Variants in MAP3K1 observed in about 807,000 individuals in gnomAD.
The protein encoded by MAP3K1 is MAP/ERK kinase kinase 1.
Under a neutral mutation model 144.2 loss-of-function variants are expected in MAP3K1, and 36 were observed. The observed-to-expected ratio is 0.25, with a 90% CI of 0.19 to 0.33. The LOEUF (loss-of-function observed/expected upper bound fraction) is 0.33. Ranked by LOEUF, MAP3K1 falls within the 10% of genes least tolerant of loss-of-function variation. The pLI, the probability that MAP3K1 is intolerant of heterozygous loss-of-function variation, is 1.00. For missense variants in MAP3K1, 1,650 were observed against 1,881.9 expected (o/e 0.88, Z 2.28); for synonymous variants, 718 against 688.7 (o/e 1.04, Z -0.67).
At chr5:56,860,045 G>T (rs568437187) in intron 3 of MAP3K1, 130 bp downstream of exon 3, 15 of 830,834 alleles carry the variant, frequency 1.8e-5, no homozygotes, top group Admixed American at 4.3e-5. Context: ...CCTGAGGATG[G>T]GGGGGGTGGT....
intron 13 of MAP3K1, 116 bp downstream of exon 13, chr5:56,881,388 C>G (rs1460178488): frequency 9.8e-7 from 1 of 1,022,568 alleles, no homozygotes; most frequent in Non-Finnish European, 1.5e-6. Context: ...GTTGCTGATA[C>G]CTTAATATTT....
intron 3 of MAP3K1, among the ~76,000 whole-genome samples, 198 bp downstream of exon 3, chr5:56,860,113 A>C (rs1747461839): frequency 6.6e-6 from 1 of 152,038 alleles, no homozygotes; most frequent in Non-Finnish European, 1.5e-5. Flanking sequence ...TAAAACTGGG[A>C]TGTTGTTTGC....
intron 1 of MAP3K1, among the ~76,000 whole-genome samples, chr5:56,837,487 C>T (rs1482782625): frequency 2.0e-5 from 3 of 152,092 alleles, no homozygotes; most frequent in Non-Finnish European, 2.9e-5. Context: ...ACAGTGGATA[C>T]TTGGCATACA....
intron 1 of MAP3K1, among the ~76,000 whole-genome samples, chr5:56,819,836 A>G (rs546412062): frequency 3.9e-4 from 59 of 152,318 alleles, no homozygotes; most frequent in African/African-American, 1.4e-3. Context: ...CCTAAGTTAA[A>G]AGCTAAAGCA....
chr5:56,823,897 A>G (rs971920571), intron 1 of MAP3K1, among the ~76,000 whole-genome samples: 1 of 152,212 alleles, frequency 6.6e-6, no homozygotes, highest in African/African-American at 2.4e-5. Context: ...GTGTGTATAT[A>G]TATGCATTTA....
intron 1 of MAP3K1, among the ~76,000 whole-genome samples, chr5:56,821,499 A>T (rs1310899001): frequency 2.0e-5 from 3 of 152,208 alleles, no homozygotes; most frequent in Non-Finnish European, 4.4e-5. Flanking sequence ...TGGAGTGAGA[A>T]CAGGGTCAGT....
At chr5:56,831,242 C>T (rs1440768499) in intron 1 of MAP3K1, among the ~76,000 whole-genome samples, 1 of 148,316 alleles carries the variant, frequency 6.7e-6, no homozygotes, top group Non-Finnish European at 1.5e-5. Context: ...AGACTGCAGT[C>T]ACTGCAGAGA....
chr5:56,861,799 T>C (rs544711002), intron 3 of MAP3K1, among the ~76,000 whole-genome samples: 22 of 152,202 alleles, frequency 1.4e-4, no homozygotes, highest in African/African-American at 5.3e-4. Flanking sequence ...AGACTTCTAG[T>C]AGTGGAAATG....
intron 1 of MAP3K1, among the ~76,000 whole-genome samples, chr5:56,816,859 G>A (rs1359679982): frequency 6.6e-6 from 1 of 152,248 alleles, no homozygotes. Context: ...TCTGTTTGGA[G>A]TTTGAATTTG....
At chr5:56,838,551 G>A (rs567931166) in intron 1 of MAP3K1, among the ~76,000 whole-genome samples, 20 of 152,224 alleles carry the variant, frequency 1.3e-4, no homozygotes, top group Non-Finnish European at 2.9e-4. Flanking sequence ...TAGAGTTAAT[G>A]TGCCTTCTCT....
intron 1 of MAP3K1, among the ~76,000 whole-genome samples, chr5:56,841,084 G>A (rs1033200176): frequency 1.3e-5 from 2 of 151,846 alleles, no homozygotes; most frequent in Non-Finnish European, 2.9e-5. Context: ...TGCCATATTG[G>A]CTGGGCAAGG....
intron 10 of MAP3K1, among the ~76,000 whole-genome samples, chr5:56,875,875 A>AT (rs1301214391): frequency 6.6e-5 from 10 of 152,156 alleles, no homozygotes; most frequent in Admixed American, 2.6e-4. Flanking sequence ...CGTTATTCTG[A>AT]TTTTTTAAAA....
intron 19 of MAP3K1, 41 bp downstream of exon 19, chr5:56,888,398 G>A (rs781272153): frequency 8.7e-6 from 14 of 1,606,592 alleles, no homozygotes; most frequent in African/African-American, 2.7e-5. Flanking sequence ...GCTAAAAGGA[G>A]TACAGCAGAA....
In MAP3K1 at chr5:56,881,786, G is replaced by A. The variant is rs775044976; in HGVS notation, c.2586G>A (p.Glu862=). ...MRRRLMAIAD[E]VEIAEAIQLG... ...GCCGTTTGATGGCTATTGCAGATGA[G>A]GTGGAAATTGCCGAAGCCATCCAGT... Residue 862 remains glutamate (E), a synonymous_variant, in exon 14 of 20, where the codon GAG becomes GAA. Coordinates refer to ENST00000399503, the MANE Select transcript of MAP3K1 (RefSeq NM_005921.2). The A allele has an allele frequency of 3.1e-6, 5 of 1,614,100 alleles. No individual in the cohort carries two copies. The South Asian group carries it at 4.4e-5, about 14-fold the overall frequency.
At chr5:56,883,450 GAAT>G (rs1748287998) in intron 14 of MAP3K1, 74 bp from the exon 15 acceptor site, 7 of 1,418,136 alleles carry the variant, frequency 4.9e-6, no homozygotes, top group African/African-American at 1.4e-5. Flanking sequence ...GACTGAATAA[GAAT>G]AATATCTTGC....
At chr5:56,879,825 C>G (rs1200243648) in intron 11 of MAP3K1, among the ~76,000 whole-genome samples, 1 of 152,178 alleles carries the variant, frequency 6.6e-6, no homozygotes, top group African/African-American at 2.4e-5. Flanking sequence ...TTCTTTCTAT[C>G]CCAGCAGATC....
At chr5:56,888,686 T>C (rs755177617) in intron 19 of MAP3K1, among the ~76,000 whole-genome samples, 1 of 152,224 alleles carries the variant, frequency 6.6e-6, no homozygotes, top group Non-Finnish European at 1.5e-5. Flanking sequence ...CAATACTCTA[T>C]AGTGGACTGT....
In MAP3K1 at chr5:56,870,617, A is replaced by G. The variant is rs569845505; in HGVS notation, c.1302-1293A>G. On this transcript the variant is annotated intron_variant, in intron 6 of 19. Transcript: ENST00000399503. ...CTCAACTTTCTTACTGTTTTTAAAC[A>G]AATACAAAGTCATGCCATATGTTCT... is the stretch of plus-strand genomic sequence containing the variant. Among the ~76,000 whole-genome samples, 41 of 152,310 alleles carry G rather than the reference A, an allele frequency of 2.7e-4. 1 individual carries two copies. The South Asian group carries it at 8.3e-3, about 31-fold the overall frequency.
At chr5:56,886,266 A>C (rs965788586) in intron 17 of MAP3K1, among the ~76,000 whole-genome samples, 1 of 152,082 alleles carries the variant, frequency 6.6e-6, no homozygotes, top group Non-Finnish European at 1.5e-5. Flanking sequence ...TAACAGGGTA[A>C]GGTGGCGCAT....
Sources: allele counts gnomAD v4.1 joint callset (sites outside exome capture counted in the v4.1 genomes callset), GRCh38; gene constraint gnomAD v4.1.1; transcripts MANE v1.5; gene names NCBI Gene and HGNC (gene_info 2026-07-23, HGNC 2026-07-21).